Variants in HHAT observed in about 807,000 individuals in gnomAD.
The protein encoded by HHAT is protein-cysteine N-palmitoyltransferase HHAT.
In HHAT, 47 loss-of-function variants were observed where a neutral mutation model predicts 70.8. The ratio of observed to expected loss-of-function variants is 0.66; its 90% CI spans 0.53 to 0.85. HHAT has a LOEUF of 0.85. HHAT is among the 40% of genes least tolerant of loss of function. The pLI is 0.00. For missense variants in HHAT, 609 were observed against 604.8 expected (o/e 1.01, Z -0.07); for synonymous variants, 228 against 247.6 (o/e 0.92, Z 0.74).
chr1:210,459,322 G>A (rs981214304), intron 7 of HHAT, among the ~76,000 whole-genome samples: 17 of 152,146 alleles, frequency 1.1e-4, no homozygotes, highest in Admixed American at 9.8e-4. Context: ...GATACAGTTC[G>A]TCTTCCTACT....
At chr1:210,362,152 T>C (rs2088394848) in intron 2 of HHAT, among the ~76,000 whole-genome samples, 1 of 152,228 alleles carries the variant, frequency 6.6e-6, no homozygotes, top group African/African-American at 2.4e-5. Flanking sequence ...TACCATTATA[T>C]GACTATTTTA....
intron 8 of HHAT, among the ~76,000 whole-genome samples, chr1:210,474,350 G>T (rs1382256560): frequency 6.6e-6 from 1 of 152,156 alleles, no homozygotes; most frequent in Non-Finnish European, 1.5e-5. Flanking sequence ...GATTGCAGTG[G>T]CGCCATCACG....
chr1:210,484,856 T>C (rs913717246), intron 8 of HHAT, among the ~76,000 whole-genome samples: 1 of 152,234 alleles, frequency 6.6e-6, no homozygotes, highest in African/African-American at 2.4e-5. Flanking sequence ...ATCAACCTGC[T>C]TCTCTGTCCT....
At chr1:210,623,222 C>T (rs540872486) in intron 10 of HHAT, among the ~76,000 whole-genome samples, 1 of 152,176 alleles carries the variant, frequency 6.6e-6, no homozygotes, top group East Asian at 1.9e-4. Context: ...CAGTCATATG[C>T]CACCATGCCC....
intron 8 of HHAT, among the ~76,000 whole-genome samples, chr1:210,465,108 A>G (rs1342408668): frequency 6.6e-6 from 1 of 152,258 alleles, no homozygotes; most frequent in Non-Finnish European, 1.5e-5. Flanking sequence ...CTTAAACAGT[A>G]GTAAAGATAA....
At chr1:210,395,022 A>G (rs988126568) in intron 4 of HHAT, among the ~76,000 whole-genome samples, 8 of 152,152 alleles carry the variant, frequency 5.3e-5, no homozygotes, top group Admixed American at 1.3e-4. Flanking sequence ...TAATACATAT[A>G]TATTTCAGTA....
At chr1:210,333,432 T>A (rs2085175414) in intron 1 of HHAT, among the ~76,000 whole-genome samples, 1 of 148,816 alleles carries the variant, frequency 6.7e-6, no homozygotes, top group Non-Finnish European at 1.5e-5. Context: ...TCTTAAAAAA[T>A]AATAATAAAA....
At chr1:210,584,197 T>C (rs1487934111) in intron 9 of HHAT, among the ~76,000 whole-genome samples, 3 of 151,808 alleles carry the variant, frequency 2.0e-5, no homozygotes, top group Non-Finnish European at 2.9e-5. Flanking sequence ...CAGCCTCGGC[T>C]TCCCAAAGTG....
chr1:210,662,796 G>A (rs1049902401), intron 11 of HHAT, among the ~76,000 whole-genome samples: 1 of 152,104 alleles, frequency 6.6e-6, no homozygotes, highest in African/African-American at 2.4e-5. Flanking sequence ...TTTAGTAAGT[G>A]CTTGCCTGCA....
intron 8 of HHAT, among the ~76,000 whole-genome samples, chr1:210,493,655 AT>A (rs1386765586): frequency 6.6e-6 from 1 of 152,196 alleles, no homozygotes; most frequent in Non-Finnish European, 1.5e-5. Flanking sequence ...AGAAATACAA[AT>A]TTGGGAGTCT....
At chr1:210,360,263 T>G (rs531164205) in intron 2 of HHAT, among the ~76,000 whole-genome samples, 2 of 152,148 alleles carry the variant, frequency 1.3e-5, no homozygotes, top group African/African-American at 4.8e-5. Flanking sequence ...CAAAGGTGAT[T>G]TATATGAATT....
At chr1:210,499,809 C>G (rs965429767) in intron 8 of HHAT, among the ~76,000 whole-genome samples, 19 of 152,040 alleles carry the variant, frequency 1.2e-4, no homozygotes, top group Non-Finnish European at 2.2e-4. Context: ...GTTTTAAAAC[C>G]CTGAAACTCT....
chr1:210,430,386 G>A (rs574111275), intron 7 of HHAT, among the ~76,000 whole-genome samples: 3 of 151,870 alleles, frequency 2.0e-5, no homozygotes, highest in African/African-American at 7.3e-5. Context: ...GTTATTGTTC[G>A]GAGGCCTGAA....
intron 7 of HHAT, chr1:210,439,867 A>T (rs1465861135): frequency 6.6e-6 from 1 of 151,868 alleles, no homozygotes; most frequent in Non-Finnish European, 1.5e-5. Flanking sequence ...AATCACCTTA[A>T]ATCTCTGTTT....
At chr1:210,618,014 G>T (rs527637326) in intron 10 of HHAT, among the ~76,000 whole-genome samples, 1 of 152,200 alleles carries the variant, frequency 6.6e-6, no homozygotes, top group Non-Finnish European at 1.5e-5. Flanking sequence ...TAGGATATGC[G>T]TGGTTCTTGG....
At chr1:210,352,589 C>T (rs754262180) in intron 2 of HHAT, among the ~76,000 whole-genome samples, 15 of 152,128 alleles carry the variant, frequency 9.9e-5, no homozygotes, top group African/African-American at 1.4e-4. Context: ...TGCGTGGCTA[C>T]TCTCCTTGGG....
rs1276218845 is a variant in HHAT, at chr1:210,405,907, G to C, written c.684+1228G>C. Among the ~76,000 whole-genome samples, 3 of 152,314 alleles carry C rather than the reference G, an allele frequency of 2.0e-5. No homozygotes were observed. The East Asian group carries it at 5.8e-4, about 29-fold the overall frequency. On this transcript the variant is annotated intron_variant, in intron 6 of 11. Transcript: ENST00000261458. ...GTGTTTAAAATTATTGTGTAAAAGA[G>C]ATGGTTTAATGATGGCAGCTGATCT...
In HHAT at chr1:210,647,881, C is replaced by T. The variant is rs545595203; in HGVS notation, c.1390+24211C>T. 2.4e-4 allele frequency among the ~76,000 whole-genome samples: 36 copies of T among 152,272 alleles called. 1 individual carries two copies. The South Asian group carries it at 7.3e-3, about 31-fold the overall frequency. Reference sequence around the variant, plus strand: ...GGAGACAGTTTTAGCTAGGTCAAGTCACATAGTAGGTACATTTCAGAGTGG... The same window carrying T: ...GGAGACAGTTTTAGCTAGGTCAAGTTACATAGTAGGTACATTTCAGAGTGG... On this transcript the variant is annotated intron_variant, in intron 11 of 11. Coordinates refer to ENST00000261458, the MANE Select transcript of HHAT (RefSeq NM_018194.6).
At chr1:210,526,947 A>G (rs2095257775) in intron 9 of HHAT, among the ~76,000 whole-genome samples, 1 of 152,088 alleles carries the variant, frequency 6.6e-6, no homozygotes, top group South Asian at 2.1e-4. Flanking sequence ...CTAGGATAAT[A>G]TTTTGTCCTG....
Sources: allele counts gnomAD v4.1 joint callset (sites outside exome capture counted in the v4.1 genomes callset), GRCh38; gene constraint gnomAD v4.1.1; transcripts MANE v1.5; gene names NCBI Gene and HGNC (gene_info 2026-07-23, HGNC 2026-07-21).